The following KDM4B variants were observed in gnomAD, a reference collection of about 807,000 sequenced individuals.
KDM4B encodes the protein lysine-specific demethylase 4B.
KDM4B carries 32 observed loss-of-function variants against 125.2 expected under a neutral mutation model. The observed-to-expected ratio is 0.26, with a 90% CI of 0.19 to 0.34. KDM4B has a LOEUF of 0.34. KDM4B is among the 10% of genes least tolerant of loss of function. KDM4B has a pLI of 1.00. For synonymous variants in KDM4B, 721 were observed against 677.9 expected (o/e 1.06, Z -0.99); for missense variants, 1,190 against 1,577.7 (o/e 0.75, Z 4.16).
At position 5,114,806 on chromosome 19, in the gene KDM4B, TGGGTGACAGGGCCAGAGGCCGTC is replaced by T; in HGVS notation, c.1115+3989_1115+4011del. Among the ~76,000 whole-genome samples the T allele has an allele frequency of 6.6e-6, 1 of 152,320 alleles. No individual in the cohort carries two copies. On this transcript the variant is annotated intron_variant, in intron 10 of 22. Transcript: ENST00000159111. This position sits in a 1 kb window ranked among gnomAD's most constrained non-coding sequence, Gnocchi z 5.8. ...GGGTGCTGCAGGTGCCCTGTGTTAC[TGGGTGACAGGGCCAGAGGCCGTC>T]CACCCCGCCTCCTGCCATACAAGCT...
At chr19:5,073,694 G>GAGGCC (rs1234755802) in intron 7 of KDM4B, among the ~76,000 whole-genome samples, 2 of 152,224 alleles carry the variant, frequency 1.3e-5, no homozygotes, top group Non-Finnish European at 2.9e-5. Flanking sequence ...GTTCTACCCT[G>GAGGCC]AGGCCAGGCC....
Position 5,033,159 on chromosome 19 carries a change from C to T in KDM4B, c.141+128C>T, listed in dbSNP as rs1334956359. The T allele has an allele frequency of 1.0e-4, 112 of 1,095,582 alleles. No homozygotes were observed. In the East Asian group the frequency reaches 2.6e-3, roughly 25 times the overall value. 67.9% of individuals were successfully genotyped at this position (1,095,582 alleles called of 1,614,324 possible). On this transcript the variant is annotated intron_variant, in intron 3 of 22. Transcript: ENST00000159111. ...GCACGTGGAATGTGTTTCGGGGCCA[C>T]TCCCAGCTCGTTTACCAGCGCCTGT... is the stretch of plus-strand genomic sequence containing the variant.
chr19:4,992,622 A>C (rs1372590394), intron 1 of KDM4B, among the ~76,000 whole-genome samples: 1 of 152,060 alleles, frequency 6.6e-6, no homozygotes, highest in African/African-American at 2.4e-5. Context: ...TAATTTAAAA[A>C]ATAATTTTGT....
At position 5,145,005 on chromosome 19, in the gene KDM4B, G is replaced by T; in HGVS notation, c.3021+103G>T. 2.7e-6 allele frequency: 4 copies of T among 1,489,720 alleles called. No individual in the cohort carries two copies. In the Admixed American group the frequency reaches 5.8e-5, roughly 22 times the overall value. 92.3% of individuals were successfully genotyped at this position (1,489,720 alleles called of 1,614,324 possible). ...CCTGGCCCAGGTGCCTTTGCCTGGG[G>T]CACTGGCGGGTGTGGGCCATGGTTA... On this transcript the variant is annotated intron_variant, in intron 21 of 22. Transcript: ENST00000159111.
chr19:5,114,253 C>G lies in KDM4B; in HGVS notation c.1115+3435C>G. 4 of 1,284,198 alleles carry G rather than the reference C, an allele frequency of 3.1e-6. No individual in the cohort carries two copies. Among genetic ancestry groups the G allele is most frequent in the Non-Finnish European group, 4.1e-6 (4 of 983,770 alleles). The allele number at this position is 1,284,198 out of a possible 1,614,324, so 79.6% of individuals were successfully genotyped here. A position where few individuals can be genotyped will look rare whatever the true frequency, so the allele number is the denominator to read the frequency against. Reference sequence around the variant, plus strand: ...GCTCCCTGCAGGACATCTGTGCACCCGCCTCACCACAGCCTCCCTGGCCCA... The same window carrying G: ...GCTCCCTGCAGGACATCTGTGCACCGGCCTCACCACAGCCTCCCTGGCCCA... On this transcript the variant is annotated intron_variant, in intron 10 of 22. Transcript: ENST00000159111. The surrounding 1 kb of genome is among the most constrained non-coding windows in gnomAD (Gnocchi z 5.8).
chr19:5,097,650 G>A (rs1229889698), intron 9 of KDM4B, among the ~76,000 whole-genome samples: 1 of 152,242 alleles, frequency 6.6e-6, no homozygotes, highest in Non-Finnish European at 1.5e-5. Flanking sequence ...GGGACCGTAG[G>A]ATGTCATTGA....
intron 1 of KDM4B, among the ~76,000 whole-genome samples, chr19:4,976,761 C>T (rs1386633863): frequency 2.6e-5 from 4 of 152,200 alleles, no homozygotes; most frequent in Non-Finnish European, 5.9e-5. Flanking sequence ...CGTCGGTGGC[C>T]ATCGTGCGGT....
chr19:5,004,779 G>A (rs774539143), intron 1 of KDM4B, among the ~76,000 whole-genome samples: 25 of 152,238 alleles, frequency 1.6e-4, no homozygotes, highest in Non-Finnish European at 3.2e-4. Flanking sequence ...TGGGTGTTGG[G>A]CAGAGGCCAC....
rs1193432229 is a variant in KDM4B at position 5,082,107 on chromosome 19, T to C, written c.781-260T>C. Among the ~76,000 whole-genome samples, 1 of 152,212 alleles carries C rather than the reference T, an allele frequency of 6.6e-6. No homozygotes were observed. Among genetic ancestry groups the C allele is most frequent in the East Asian group, 1.9e-4 (1 of 5,188 alleles). On this transcript the variant is annotated intron_variant, in intron 8 of 22. Transcript: ENST00000159111. This position sits in a 1 kb window ranked among gnomAD's most constrained non-coding sequence, Gnocchi z 5.4. ...GGCCGCCTTGGGGCAGGGCAGGGGC[T>C]GCTGGGGCTGGAGGGGCCCGGCTGA...
rs1019322114 is a variant in KDM4B, at chr19:5,119,973, C to T, written c.1315+121C>T. ...GTTTTGTAAGAATCTGATTCAGTGG[C>T]TTTCTTGCCAGGGTGGGGCATTTCG... On this transcript the variant is annotated intron_variant, in intron 11 of 22. Coordinates refer to ENST00000159111, the MANE Select transcript of KDM4B (RefSeq NM_015015.3). 1.3e-5 allele frequency: 16 copies of T among 1,274,920 alleles called. No individual in the cohort carries two copies. In the East Asian group the frequency reaches 1.3e-4, roughly 10 times the overall value. The allele number at this position is 1,274,920 out of a possible 1,614,324, so 79.0% of individuals were successfully genotyped here.
chr19:5,010,608 A>G (rs2035698139), intron 1 of KDM4B, among the ~76,000 whole-genome samples: 1 of 152,138 alleles, frequency 6.6e-6, no homozygotes, highest in Admixed American at 6.5e-5. Context: ...TCTTCTGTGG[A>G]GGAAAGCTGT....
intron 3 of KDM4B, among the ~76,000 whole-genome samples, chr19:5,036,532 C>A (rs1375268888): frequency 6.6e-6 from 1 of 152,338 alleles, no homozygotes; most frequent in South Asian, 2.1e-4. Flanking sequence ...CCTCCACCCC[C>A]ACCAGCTGCC....
At chr19:5,123,335 G>A (rs1016950752) in intron 11 of KDM4B, among the ~76,000 whole-genome samples, 4 of 152,350 alleles carry the variant, frequency 2.6e-5, no homozygotes, top group African/African-American at 4.8e-5. Context: ...GGCCCATTCC[G>A]AGGACCCAGG....
chr19:5,048,268 C>T (rs1235511761), intron 6 of KDM4B, among the ~76,000 whole-genome samples: 1 of 152,296 alleles, frequency 6.6e-6, no homozygotes, highest in East Asian at 1.9e-4. Flanking sequence ...CTGTGCACGT[C>T]GCAGCGAGGC....
chr19:5,144,222 C>T (rs2039796990), intron 19 of KDM4B, 26 bp from the exon 20 acceptor site: 2 of 1,592,656 alleles, frequency 1.3e-6, no homozygotes, highest in African/African-American at 2.7e-5. Context: ...CGCTGACCGC[C>T]CCCCACACCC....
intron 21 of KDM4B, among the ~76,000 whole-genome samples, chr19:5,148,291 G>A (rs973735916): frequency 8.5e-5 from 13 of 152,216 alleles, no homozygotes; most frequent in Non-Finnish European, 1.9e-4. Context: ...CCACTGGGAG[G>A]AAATCAGCCT....
rs1266752740 is a variant in KDM4B, at chr19:5,119,818, A to C, written c.1281A>C (p.Pro427=). ...AGGAGGAGGAGGAGGAGCCGCAGCCACTGCCACACGGCCGGGAGGCCGAGG... is the reference window on the plus strand; with the variant it reads ...AGGAGGAGGAGGAGGAGCCGCAGCCCCTGCCACACGGCCGGGAGGCCGAGG... ...DPEEEEEEPQ[P]LPHGREAEGA... Residue 427 remains proline, a synonymous_variant, in exon 11 of 23, where the codon CCA becomes CCC. Coordinates refer to ENST00000159111, the MANE Select transcript of KDM4B (RefSeq NM_015015.3). 1 of 1,544,424 alleles carries C rather than the reference A, an allele frequency of 6.5e-7. No homozygotes were observed. The highest frequency in any genetic ancestry group is 2.4e-5 in the East Asian group (1 of 40,894).
intron 1 of KDM4B, among the ~76,000 whole-genome samples, chr19:5,008,361 G>A (rs528070393): frequency 3.7e-4 from 56 of 152,172 alleles, no homozygotes; most frequent in African/African-American, 1.1e-3. Flanking sequence ...GCTTTCTCCC[G>A]TTTATCTAAT....
intron 6 of KDM4B, among the ~76,000 whole-genome samples, chr19:5,059,715 C>A (rs2037523954): frequency 6.6e-6 from 1 of 152,226 alleles, no homozygotes. Flanking sequence ...GCCTGGCGGT[C>A]ACCGTGTTTC....
Sources: allele counts gnomAD v4.1 joint callset (sites outside exome capture counted in the v4.1 genomes callset), GRCh38; gene constraint gnomAD v4.1.1; non-coding constraint Gnocchi (gnomAD v3.1); transcripts MANE v1.5; gene names NCBI Gene and HGNC (gene_info 2026-07-23, HGNC 2026-07-21).